The following PDE10A variants were observed in gnomAD, a reference collection of about 807,000 sequenced individuals.
PDE10A encodes cAMP and cAMP-inhibited cGMP 3',5'-cyclic phosphodiesterase 10A.
PDE10A carries 39 observed loss-of-function variants against 97.7 expected under a neutral mutation model. The observed-to-expected ratio is 0.40, with a 90% CI of 0.31 to 0.52. The LOEUF is 0.52. PDE10A is among the 20% of genes least tolerant of loss of function. The probability of loss-of-function intolerance (pLI) is 0.56; values close to 1 mark genes in which losing one functional copy is unlikely to be tolerated. For missense variants in PDE10A, 731 were observed against 1,047.8 expected (o/e 0.70, Z 4.17); for synonymous variants, 371 against 376.8 (o/e 0.98, Z 0.18).
intron 18 of PDE10A, among the ~76,000 whole-genome samples, chr6:165,369,977 CT>C (rs1336073480): frequency 7.0e-6 from 1 of 142,708 alleles, no homozygotes; most frequent in Admixed American, 7.1e-5. Flanking sequence ...TCCAGCCAAA[CT>C]AAGCTTCAAA....
intron 1 of PDE10A, among the ~76,000 whole-genome samples, chr6:165,976,481 G>A (rs1259600284): frequency 1.3e-5 from 2 of 152,130 alleles, no homozygotes; most frequent in Admixed American, 1.3e-4. Flanking sequence ...GCTAACCCTT[G>A]GGGTAGGGTG....
chr6:165,882,792 A>C lies in PDE10A; in HGVS notation c.-615+104737T>G, dbSNP rs556837949. Among the ~76,000 whole-genome samples, 3 of 151,586 alleles carry C rather than the reference A, an allele frequency of 2.0e-5. No homozygotes were observed. The South Asian group carries it at 6.3e-4, about 32-fold the overall frequency. ...AAAAAAAAAAGCCTCCCTCCTGGCA[A>C]ACTCTGATCGTGGCTATGAAACAAT... is the stretch of plus-strand genomic sequence containing the variant. On this transcript the variant is annotated intron_variant, in intron 1 of 19. Coordinates refer to the PDE10A transcript ENST00000366882.
At chr6:165,652,388 T>C (rs1317887371) in intron 1 of PDE10A, among the ~76,000 whole-genome samples, 1 of 151,936 alleles carries the variant, frequency 6.6e-6, no homozygotes, top group Non-Finnish European at 1.5e-5. Context: ...GGTCTCACTA[T>C]GTTGCCCAGG....
intron 1 of PDE10A, among the ~76,000 whole-genome samples, chr6:165,830,508 T>C (rs1779879379): frequency 6.6e-6 from 1 of 151,946 alleles, no homozygotes; most frequent in Non-Finnish European, 1.5e-5. Context: ...GGATTTTAGA[T>C]TACCGGTTTG....
intron 1 of PDE10A, among the ~76,000 whole-genome samples, chr6:165,749,359 T>TCAA (rs1792932376): frequency 3.7e-5 from 1 of 26,754 alleles, no homozygotes; most frequent in Non-Finnish European, 8.7e-5. Flanking sequence ...ATTATCACCA[T>TCAA]CACCATCATC....
chr6:165,746,127 C>T (rs2128454562), intron 1 of PDE10A, among the ~76,000 whole-genome samples: 1 of 152,222 alleles, frequency 6.6e-6, no homozygotes, highest in East Asian at 1.9e-4. Context: ...AAGGAATGAC[C>T]TGAAAGGTAC....
chr6:165,951,740 C>T lies in PDE10A; in HGVS notation c.-615+35789G>A, dbSNP rs544581608. Among the ~76,000 whole-genome samples, 127 of 152,272 alleles carry T rather than the reference C, an allele frequency of 8.3e-4. 1 individual carries two copies. Among genetic ancestry groups the T allele is most frequent in the African/African-American group, 3.0e-3 (123 of 41,534 alleles). ...CTAGTTTAATTTTTTAGGCTCCTCT[C>T]CCACTGCCCTCAATTCTCCAAATCC... On this transcript the variant is annotated intron_variant, in intron 1 of 19. Transcript: ENST00000366882.
Position 165,943,234 on chromosome 6 carries a change from A to AGAAAGAAG in PDE10A, c.-615+44294_-615+44295insCTTCTTTC, listed in dbSNP as rs1783618763. ...AAGAAAGAAAGAAAGAAAGAAAGAA[A>AGAAAGAAG]GAAGGAAGGAAGGAAGGAAGGAAGG... is the stretch of plus-strand genomic sequence containing the variant. On this transcript the variant is annotated intron_variant, in intron 1 of 19. Transcript: ENST00000366882. Among the ~76,000 whole-genome samples the AGAAAGAAG allele has an allele frequency of 3.1e-3, 106 of 34,002 alleles. 1 individual carries two copies. Among genetic ancestry groups the AGAAAGAAG allele is most frequent in the South Asian group, 7.7e-3 (6 of 780 alleles). 22.3% of individuals were successfully genotyped at this position (34,002 alleles called of 152,430 possible).
chr6:165,901,394 C>T lies in PDE10A; in HGVS notation c.-615+86135G>A, dbSNP rs145549057. 6.7e-3 allele frequency among the ~76,000 whole-genome samples: 1,017 copies of T among 152,262 alleles called. 10 individuals are homozygous for T. Among genetic ancestry groups the T allele is most frequent in the African/African-American group, 0.023 (972 of 41,548 alleles). On this transcript the variant is annotated intron_variant, in intron 1 of 19. Coordinates refer to the PDE10A transcript ENST00000366882. The stretch of plus-strand genomic sequence containing the variant: ...ATTCTCTCCTCTGTTTTAAAACAGC[C>T]GGTGGCTCCTGCGGCACAGAGAACA...
At chr6:165,549,632 A>T (rs1474436061) in intron 1 of PDE10A, among the ~76,000 whole-genome samples, 11 of 152,142 alleles carry the variant, frequency 7.2e-5, no homozygotes. Context: ...CTGCATTATT[A>T]TGTTTTAAAG....
chr6:165,612,743 A>G (rs1787555514), intron 1 of PDE10A, among the ~76,000 whole-genome samples: 1 of 152,184 alleles, frequency 6.6e-6, no homozygotes, highest in Admixed American at 6.5e-5. Flanking sequence ...AATGCAAAAC[A>G]TATCTCTTCC....
intron 13 of PDE10A, among the ~76,000 whole-genome samples, chr6:165,398,767 G>GA (rs1031122634): frequency 4.6e-5 from 7 of 151,604 alleles, no homozygotes; most frequent in South Asian, 2.1e-4. Flanking sequence ...AAGGTAGAGA[G>GA]AAAAAAAGGG....
chr6:165,784,674 G>A (rs1318555701), intron 1 of PDE10A, among the ~76,000 whole-genome samples: 2 of 152,132 alleles, frequency 1.3e-5, no homozygotes, highest in African/African-American at 2.4e-5. Context: ...GGTCACATTC[G>A]CTGGTCAGAG....
At chr6:165,856,032 G>C (rs1780723629) in intron 1 of PDE10A, among the ~76,000 whole-genome samples, 1 of 152,166 alleles carries the variant, frequency 6.6e-6, no homozygotes, top group South Asian at 2.1e-4. Context: ...AGATTGATGA[G>C]GGGCCAGGAC....
At chr6:165,928,366 G>A (rs900893474) in intron 1 of PDE10A, among the ~76,000 whole-genome samples, 5 of 152,278 alleles carry the variant, frequency 3.3e-5, no homozygotes, top group South Asian at 4.1e-4. Context: ...ACATGAGGCC[G>A]AGGGAAGAGT....
chr6:165,577,147 C>T (rs757619910), intron 1 of PDE10A, among the ~76,000 whole-genome samples: 7 of 152,206 alleles, frequency 4.6e-5, no homozygotes, highest in African/African-American at 7.2e-5. Flanking sequence ...TGTTTTATGA[C>T]GCCAGTTTTC....
At chr6:165,870,196 C>A (rs1388653956) in intron 1 of PDE10A, among the ~76,000 whole-genome samples, 1 of 152,120 alleles carries the variant, frequency 6.6e-6, no homozygotes, top group Non-Finnish European at 1.5e-5. Context: ...TTGCAAACTA[C>A]TCTTCCAACC....
intron 1 of PDE10A, among the ~76,000 whole-genome samples, chr6:165,547,905 T>C (rs1783814860): frequency 6.6e-6 from 1 of 152,254 alleles, no homozygotes; most frequent in African/African-American, 2.4e-5. Flanking sequence ...ATTACTATGC[T>C]ACCCTTTTGG....
At chr6:165,589,524 C>A (rs1014111091) in intron 1 of PDE10A, among the ~76,000 whole-genome samples, 40 of 152,042 alleles carry the variant, frequency 2.6e-4, no homozygotes, top group African/African-American at 8.9e-4. Flanking sequence ...CTTTGAAAAT[C>A]AAGTTAATAT....
Sources: allele counts gnomAD v4.1 joint callset (sites outside exome capture counted in the v4.1 genomes callset), GRCh38; gene constraint gnomAD v4.1.1; transcripts MANE v1.5; gene names NCBI Gene and HGNC (gene_info 2026-07-23, HGNC 2026-07-21).